RANBP2: variants seen among roughly 807,000 people sequenced by gnomAD.
The protein encoded by RANBP2 is E3 SUMO-protein ligase RanBP2.
In RANBP2, 57 loss-of-function variants were observed where a neutral mutation model predicts 303.6. The ratio of observed to expected loss-of-function variants is 0.19; its 90% CI spans 0.15 to 0.23. RANBP2 has a LOEUF of 0.23. RANBP2 is among the 10% of genes least tolerant of loss of function. The pLI is 1.00. For synonymous variants in RANBP2, 1,167 were observed against 1,301.5 expected (o/e 0.90, Z 2.23); for missense variants, 3,138 against 3,780.8 (o/e 0.83, Z 4.46).
the RANBP2 span, among the ~76,000 whole-genome samples, chr2:108,942,621 G>T: frequency 6.6e-6 from 1 of 152,246 alleles, no homozygotes; most frequent in South Asian, 2.1e-4. Context: ...CGTGAGGCGG[G>T]CGGTTCCGCC....
the RANBP2 span, among the ~76,000 whole-genome samples, chr2:108,811,247 C>CTCTTTTT: frequency 2.5e-4 from 29 of 113,902 alleles, no homozygotes; most frequent in Middle Eastern, 4.9e-3. Context: ...TTCTCTCTCT[C>CTCTTTTT]TTTTTTTTTT....
the RANBP2 span, among the ~76,000 whole-genome samples, chr2:109,085,771 T>A: frequency 6.6e-6 from 1 of 151,982 alleles, no homozygotes; most frequent in Non-Finnish European, 1.5e-5. Flanking sequence ...TGGCTAATTT[T>A]TTTATTTTTT....
the RANBP2 span, among the ~76,000 whole-genome samples, chr2:109,736,292 T>C: frequency 7.2e-4 from 110 of 152,262 alleles, no homozygotes; most frequent in African/African-American, 2.6e-3. Flanking sequence ...TTAAATCCAG[T>C]CGTGGCCCAA....
At chr2:109,049,437 C>T in the RANBP2 span, among the ~76,000 whole-genome samples, 534 of 152,290 alleles carry the variant, frequency 3.5e-3, 3 homozygotes, top group African/African-American at 0.012. Flanking sequence ...GAGGCATTTA[C>T]GGCGAGCACT....
the RANBP2 span, among the ~76,000 whole-genome samples, chr2:109,535,177 A>G: frequency 1.3e-5 from 2 of 152,226 alleles, no homozygotes; most frequent in African/African-American, 4.8e-5. Context: ...GATGCAGACC[A>G]AAAGGAACTA....
At chr2:108,990,581 G>C in the RANBP2 span, among the ~76,000 whole-genome samples, 1 of 152,142 alleles carries the variant, frequency 6.6e-6, no homozygotes, top group Non-Finnish European at 1.5e-5. Context: ...GGGCAACAGA[G>C]CGAGAATCTG....
chr2:109,445,217 C>T, the RANBP2 span, among the ~76,000 whole-genome samples: 1 of 152,160 alleles, frequency 6.6e-6, no homozygotes, highest in Non-Finnish European at 1.5e-5. Flanking sequence ...CTACTTCTAA[C>T]AGGATTTTCA....
the RANBP2 span, chr2:109,613,867 C>T: frequency 2.4e-6 from 3 of 1,230,502 alleles, no homozygotes; most frequent in African/African-American, 3.1e-5. Flanking sequence ...TGTATCAGCC[C>T]GGCCCCGAGC....
the RANBP2 span, among the ~76,000 whole-genome samples, chr2:109,176,812 C>CT: frequency 1.3e-5 from 2 of 152,198 alleles, no homozygotes; most frequent in African/African-American, 4.8e-5. Flanking sequence ...CAGCCGTGAA[C>CT]TTTATCTTAT....
At chr2:108,926,147 A>T in the RANBP2 span, among the ~76,000 whole-genome samples, 7 of 152,220 alleles carry the variant, frequency 4.6e-5, no homozygotes, top group Admixed American at 2.0e-4. Context: ...AACAAAGAAC[A>T]TGTGGCTGTC....
At chr2:109,648,279 G>A in the RANBP2 span, among the ~76,000 whole-genome samples, 1 of 152,204 alleles carries the variant, frequency 6.6e-6, no homozygotes, top group Non-Finnish European at 1.5e-5. Flanking sequence ...CTGCAGCCTG[G>A]CAGGGATCTG....
the RANBP2 span, among the ~76,000 whole-genome samples, chr2:109,537,693 C>T: frequency 1.3e-5 from 2 of 152,228 alleles, no homozygotes; most frequent in East Asian, 1.9e-4. Flanking sequence ...CATCTGTAAT[C>T]TCAGCACTTT....
the RANBP2 span, among the ~76,000 whole-genome samples, chr2:109,683,091 T>C: frequency 1.3e-5 from 2 of 152,114 alleles, no homozygotes; most frequent in Non-Finnish European, 2.9e-5. Context: ...CTGCAACCTC[T>C]GCCTCCTGAG....
At chr2:109,056,719 G>A in the RANBP2 span, among the ~76,000 whole-genome samples, 145 of 152,318 alleles carry the variant, frequency 9.5e-4, 1 homozygote, top group African/African-American at 3.4e-3. Context: ...TTTGATGTAA[G>A]CCCCATAAGA....
chr2:108,876,301 T>C, the RANBP2 span: 39 of 1,064,436 alleles, frequency 3.7e-5, no homozygotes, highest in African/African-American at 4.6e-4. Context: ...TTTATAAACA[T>C]GTAGAAATTA....
chr2:108,846,705 T>G, the RANBP2 span: 1 of 1,555,052 alleles, frequency 6.4e-7, no homozygotes, highest in Non-Finnish European at 8.7e-7. Flanking sequence ...TGAACATGAA[T>G]AAATATACTA....
the RANBP2 span, among the ~76,000 whole-genome samples, chr2:108,957,601 G>C: frequency 6.6e-6 from 1 of 152,202 alleles, no homozygotes; most frequent in South Asian, 2.1e-4. Flanking sequence ...CACACACCTG[G>C]ATAAACGTGG....
the RANBP2 span, among the ~76,000 whole-genome samples, chr2:109,197,184 G>C: frequency 0.015 from 2,234 of 152,310 alleles, 66 homozygotes; most frequent in African/African-American, 0.051. Flanking sequence ...CAGGAAGGCG[G>C]TAGTCTTGTT....
chr2:108,865,943 T>C, the RANBP2 span, among the ~76,000 whole-genome samples: 1 of 151,964 alleles, frequency 6.6e-6, no homozygotes, highest in Non-Finnish European at 1.5e-5. Flanking sequence ...CTAGAAAACT[T>C]TGGACATTAG....
Sources: allele counts gnomAD v4.1 joint callset (sites outside exome capture counted in the v4.1 genomes callset), GRCh38; gene constraint gnomAD v4.1.1; transcripts MANE v1.5; gene names NCBI Gene and HGNC (gene_info 2026-07-23, HGNC 2026-07-21).